CEP126: variants seen among roughly 807,000 people sequenced by gnomAD.
CEP126 encodes the protein centrosomal protein of 126 kDa.
CEP126 carries 74 observed loss-of-function variants against 107.8 expected under a neutral mutation model. The ratio of observed to expected loss-of-function variants is 0.69; its 90% confidence interval spans 0.57 to 0.83. The LOEUF (loss-of-function observed/expected upper bound fraction) is 0.83. Among genes scored for constraint, CEP126 ranks in the 40% least tolerant of loss-of-function variants. The probability of loss-of-function intolerance (pLI) is 0.00; values close to 1 mark genes in which losing one functional copy is unlikely to be tolerated. For missense variants in CEP126, 1,237 were observed against 1,281.9 expected (o/e 0.96, Z 0.53); for synonymous variants, 449 against 446.0 (o/e 1.01, Z -0.08).
intron 2 of CEP126, 53 bp downstream of exon 2, chr11:101,922,813 T>A: frequency 6.9e-7 from 1 of 1,441,472 alleles, no homozygotes; most frequent in Non-Finnish European, 9.6e-7. Flanking sequence ...CAATATAAAG[T>A]AATAGTTTCT....
rs540027432 is a variant in CEP126 at position 101,972,758 on chromosome 11, G to A, written c.2846-5589G>A. Reference sequence around the variant, plus strand: ...GGAGGTTATAGTGAGCCGAGATTGCGCCATTGCACTCCAGCCTGGGCGACA... The same window carrying A: ...GGAGGTTATAGTGAGCCGAGATTGCACCATTGCACTCCAGCCTGGGCGACA... On this transcript the variant is annotated intron_variant, in intron 6 of 10. Coordinates refer to ENST00000263468, the MANE Select transcript of CEP126 (RefSeq NM_020802.4). Among the ~76,000 whole-genome samples the A allele has an allele frequency of 1.3e-3, 201 of 152,112 alleles. 1 individual carries two copies. The highest frequency in any genetic ancestry group is 0.01 in the Middle Eastern group (3 of 294).
intron 1 of CEP126, 34 bp downstream of exon 1, chr11:101,915,446 G>T: frequency 6.3e-7 from 1 of 1,584,428 alleles, no homozygotes. Context: ...CCAGGGTAGC[G>T]ATGTTGAAAA....
rs1940785289 is a variant in CEP126, at chr11:101,949,756, TTAAG to T, written c.506+1619_506+1622del. ...ACACTTAAAAGAGGTGACTGAGAGG[TTAAG>T]TAAGGGACTATAAAACCAACAAAGG... is the stretch of plus-strand genomic sequence containing the variant. On this transcript the variant is annotated intron_variant, in intron 4 of 10. Coordinates refer to ENST00000263468, the MANE Select transcript of CEP126 (RefSeq NM_020802.4). 2.6e-5 allele frequency among the ~76,000 whole-genome samples: 4 copies of T among 151,908 alleles called. No homozygotes were observed. In the South Asian group the frequency reaches 8.3e-4, roughly 32 times the overall value.
intron 4 of CEP126, among the ~76,000 whole-genome samples, chr11:101,953,060 A>G (rs1239649257): frequency 1.3e-5 from 2 of 152,236 alleles, no homozygotes; most frequent in Non-Finnish European, 2.9e-5. Context: ...TGCTTACATT[A>G]TCACAATGGG....
intron 2 of CEP126, among the ~76,000 whole-genome samples, chr11:101,935,131 A>G (rs955871152): frequency 2.0e-5 from 3 of 152,040 alleles, no homozygotes; most frequent in South Asian, 4.1e-4. Context: ...TGTGCCATTC[A>G]TAAGTTTTTT....
intron 9 of CEP126, among the ~76,000 whole-genome samples, chr11:101,991,994 T>C (rs1941389175): frequency 6.6e-6 from 1 of 152,100 alleles, no homozygotes; most frequent in Non-Finnish European, 1.5e-5. Context: ...ATGAAATCCA[T>C]AGGGCATTGT....
At chr11:101,937,351 G>T (rs778906909) in intron 2 of CEP126, among the ~76,000 whole-genome samples, 16 of 152,086 alleles carry the variant, frequency 1.1e-4, no homozygotes, top group Non-Finnish European at 1.6e-4. Flanking sequence ...TTAACACATT[G>T]AAAAAATAAC....
In CEP126 at chr11:101,992,725, T is replaced by C. The variant is rs547358388; in HGVS notation, c.3245-53T>C. 31 of 967,950 alleles carry C rather than the reference T, an allele frequency of 3.2e-5. 1 individual carries two copies. In the Middle Eastern group the frequency reaches 1.2e-3, roughly 37 times the overall value. 60.0% of individuals were successfully genotyped at this position (967,950 alleles called of 1,614,324 possible). A position where few individuals can be genotyped will look rare whatever the true frequency, so the allele number is the denominator to read the frequency against. On this transcript the variant is annotated intron_variant, in intron 9 of 10. Coordinates refer to ENST00000263468, the MANE Select transcript of CEP126 (RefSeq NM_020802.4). ...ATATTTGATTCTTTAGTCATTCTTC[T>C]ATTTCTATATATGTAACTAAATTAT...
intron 1 of CEP126, among the ~76,000 whole-genome samples, chr11:101,917,491 C>G (rs1011352936): frequency 6.6e-6 from 1 of 151,576 alleles, no homozygotes; most frequent in Admixed American, 6.6e-5. Context: ...TTTTCTGACT[C>G]TAAAGGTTAT....
chr11:101,931,128 T>C (rs1337438080), intron 2 of CEP126, among the ~76,000 whole-genome samples: 1 of 152,180 alleles, frequency 6.6e-6, no homozygotes, highest in Non-Finnish European at 1.5e-5. Context: ...TAAGAGAGCT[T>C]GTTACTAAAT....
At chr11:101,925,432 T>A (rs189066308) in intron 2 of CEP126, among the ~76,000 whole-genome samples, 6 of 151,932 alleles carry the variant, frequency 3.9e-5, no homozygotes, top group Non-Finnish European at 7.4e-5. Flanking sequence ...GGAAAAGAAT[T>A]TATTTTGTTA....
rs1940181548 is a variant in CEP126, at chr11:101,915,326, A to G, written c.42A>G (p.Glu14=). 2.5e-6 allele frequency: 4 copies of G among 1,613,930 alleles called. No homozygotes were observed. The highest frequency in any genetic ancestry group is 3.4e-6 in the Non-Finnish European group (4 of 1,179,974). The change falls in exon 1 of 11, where the codon GAA becomes GAG. Residue 14 remains glutamate (E), a synonymous_variant. Transcript: ENST00000263468. ...GRPGTRSAVG[E]LGTESSDNLD... ...CCGGAACCCGGAGCGCGGTCGGGGA[A>G]CTGGGCACTGAATCATCGGACAACC...
At chr11:101,972,416 A>T (rs1017273221) in intron 6 of CEP126, among the ~76,000 whole-genome samples, 1 of 151,690 alleles carries the variant, frequency 6.6e-6, no homozygotes, top group African/African-American at 2.4e-5. Context: ...ACAGAGCGAG[A>T]CTCCGTCTCA....
intron 4 of CEP126, among the ~76,000 whole-genome samples, chr11:101,953,019 A>G (rs762668554): frequency 3.3e-5 from 5 of 152,220 alleles, no homozygotes; most frequent in African/African-American, 4.8e-5. Flanking sequence ...TCTACCCTCT[A>G]CAAGTGACAG....
intron 6 of CEP126, among the ~76,000 whole-genome samples, chr11:101,967,435 C>T (rs1329351097): frequency 1.3e-5 from 2 of 152,186 alleles, no homozygotes; most frequent in East Asian, 3.8e-4. Context: ...TTTGCTTTTT[C>T]TCTGCCTTCT....
intron 2 of CEP126, among the ~76,000 whole-genome samples, chr11:101,943,647 T>C (rs1591276488): frequency 6.6e-6 from 1 of 151,546 alleles, no homozygotes; most frequent in African/African-American, 2.4e-5. Flanking sequence ...CAATCAGAAA[T>C]AAATGAAATA....
At chr11:101,946,987 T>C (rs188036493) in intron 3 of CEP126, among the ~76,000 whole-genome samples, 78 of 152,316 alleles carry the variant, frequency 5.1e-4, no homozygotes, top group Non-Finnish European at 9.0e-4. Context: ...TCCTTTATGA[T>C]GTGAATATCA....
intron 1 of CEP126, among the ~76,000 whole-genome samples, chr11:101,919,482 G>A (rs1438838685): frequency 6.6e-6 from 1 of 151,394 alleles, no homozygotes; most frequent in Non-Finnish European, 1.5e-5. Context: ...CCTTCTTTTG[G>A]ACAGGTATTT....
At chr11:101,973,177 T>C (rs1189192176) in intron 6 of CEP126, among the ~76,000 whole-genome samples, 43 of 152,362 alleles carry the variant, frequency 2.8e-4, no homozygotes. Context: ...TTTTCAACTT[T>C]ACTAGGTAAT....
Sources: allele counts gnomAD v4.1 joint callset (sites outside exome capture counted in the v4.1 genomes callset), GRCh38; gene constraint gnomAD v4.1.1; transcripts MANE v1.5; gene names NCBI Gene and HGNC (gene_info 2026-07-23, HGNC 2026-07-21).